MFAP3L: variants seen among roughly 807,000 people sequenced by gnomAD.
The protein encoded by MFAP3L is microfibril associated protein 3 like, also known as microfibrillar-associated protein 3-like.
MFAP3L carries 5 observed loss-of-function variants against 20.0 expected under a neutral mutation model. That is an observed-to-expected ratio of 0.25 (90% CI 0.13 to 0.53). MFAP3L has a LOEUF of 0.53. Ranked by LOEUF, MFAP3L falls within the 20% of genes least tolerant of loss-of-function variation. The probability of loss-of-function intolerance (pLI) is 0.96; values close to 1 mark genes in which losing one functional copy is unlikely to be tolerated. For synonymous variants in MFAP3L, 219 were observed against 213.0 expected (o/e 1.03, Z -0.25); for missense variants, 409 against 527.5 (o/e 0.78, Z 2.20).
At chr4:170,014,106 C>G (rs1258621523) in intron 1 of MFAP3L, among the ~76,000 whole-genome samples, 1 of 152,200 alleles carries the variant, frequency 6.6e-6, no homozygotes, top group Non-Finnish European at 1.5e-5. Context: ...TCAACCTAAG[C>G]TGGTACAGAA....
chr4:170,021,866 G>A (rs796293398), intron 1 of MFAP3L, among the ~76,000 whole-genome samples: 3 of 152,276 alleles, frequency 2.0e-5, no homozygotes, highest in African/African-American at 4.8e-5. Flanking sequence ...CAACACCAAC[G>A]TCAAATATGG....
intron 1 of MFAP3L, among the ~76,000 whole-genome samples, chr4:170,009,153 C>T (rs6822033): frequency 2.0e-5 from 3 of 151,796 alleles, no homozygotes; most frequent in Admixed American, 6.6e-5. Context: ...GGGAGGCTGA[C>T]GCAGGCGGAT....
intron 2 of MFAP3L, chr4:169,994,608 T>A (rs1461509713): frequency 1.1e-6 from 1 of 927,712 alleles, no homozygotes; most frequent in Non-Finnish European, 1.3e-6. Flanking sequence ...TTCTCTAATC[T>A]ACAACCAAGC....
At chr4:169,993,277 C>G (rs927247389) in intron 2 of MFAP3L, among the ~76,000 whole-genome samples, 15 of 152,200 alleles carry the variant, frequency 9.9e-5, no homozygotes, top group Non-Finnish European at 1.5e-4. Context: ...CCTCCCTGGA[C>G]TGTCCCATAG....
At chr4:170,004,805 C>A (rs528994717) in intron 2 of MFAP3L, among the ~76,000 whole-genome samples, 2 of 152,144 alleles carry the variant, frequency 1.3e-5, no homozygotes, top group Non-Finnish European at 2.9e-5. Flanking sequence ...TTCACTCCCC[C>A]ACCCCAACCC....
In MFAP3L at chr4:170,011,721, C is replaced by T. The variant is rs148154557; in HGVS notation, c.-133-5711G>A. Among the ~76,000 whole-genome samples, 156 of 152,216 alleles carry T rather than the reference C, an allele frequency of 1.0e-3. 1 individual carries two copies. Among genetic ancestry groups the T allele is most frequent in the African/African-American group, 3.6e-3 (150 of 41,526 alleles). ...CAGAATCCGGCAGGGGACACAGGAA[C>T]ATATATCGACAGTTACAGGACAGTG... On this transcript the variant is annotated intron_variant, in intron 1 of 2. Transcript: ENST00000361618.
chr4:170,020,890 C>G (rs75512184), intron 1 of MFAP3L, among the ~76,000 whole-genome samples: 1 of 152,022 alleles, frequency 6.6e-6, no homozygotes, highest in Non-Finnish European at 1.5e-5. Flanking sequence ...CTATAATTAT[C>G]TTTTTGCACA....
intron 1 of MFAP3L, among the ~76,000 whole-genome samples, chr4:170,008,417 T>A (rs918482442): frequency 6.6e-6 from 1 of 152,206 alleles, no homozygotes; most frequent in Non-Finnish European, 1.5e-5. Context: ...CAATTTACTC[T>A]TTCACTTCAG....
Position 170,006,026 on chromosome 4 carries a change from C to CA in MFAP3L, c.-133-17dup, listed in dbSNP as rs1560980764. ...GAGCAAGAACCTGTTTTTAAGAAAACAAAAATATATACACATAAACATTAG... is the reference window on the plus strand; with the variant it reads ...GAGCAAGAACCTGTTTTTAAGAAAACAAAAAATATATACACATAAACATTAG... On this transcript the variant is annotated splice_polypyrimidine_tract_variant and intron_variant, in intron 1 of 2. Transcript: ENST00000361618. 1.4e-6 allele frequency: 2 copies of CA among 1,419,866 alleles called. No individual in the cohort carries two copies. The highest frequency in any genetic ancestry group is 1.8e-6 in the Non-Finnish European group (2 of 1,087,964). 88.0% of individuals were successfully genotyped at this position (1,419,866 alleles called of 1,614,324 possible). A position where few individuals can be genotyped will look rare whatever the true frequency, so the allele number is the denominator to read the frequency against.
intron 2 of MFAP3L, among the ~76,000 whole-genome samples, chr4:169,998,441 G>A (rs894641918): frequency 2.6e-5 from 4 of 152,206 alleles, no homozygotes; most frequent in Admixed American, 2.0e-4. Flanking sequence ...CTGAACTGAA[G>A]AATCACAGGG....
chr4:169,991,066 G>C lies in MFAP3L; in HGVS notation c.*312C>G, dbSNP rs183463917. 7 of 377,918 alleles carry C rather than the reference G, an allele frequency of 1.9e-5. No homozygotes were observed. In the Admixed American group the frequency reaches 3.0e-4, roughly 16 times the overall value. 23.4% of individuals were successfully genotyped at this position (377,918 alleles called of 1,614,324 possible). ...GTTCTTGAACTCAGAATATCTTACA[G>C]TGGTGTACTCTTTGCCAAGAAGGCA... On this transcript the variant is annotated 3_prime_UTR_variant, in exon 3 of 3. Transcript: ENST00000361618. The surrounding 1 kb of genome is among the most constrained non-coding windows in gnomAD (Gnocchi z 4.9).
chr4:170,002,121 ACTGT>A lies in MFAP3L; in HGVS notation c.298+3455_298+3458del, dbSNP rs1738671097. The stretch of plus-strand genomic sequence containing the variant: ...CACATGTTCCGGCACAAATCCTAAC[ACTGT>A]CTGACCTTGCTATCGGTAGTGAGGA... On this transcript the variant is annotated intron_variant, in intron 2 of 2. Transcript: ENST00000361618. 4.1e-6 allele frequency: 4 copies of A among 985,062 alleles called. No homozygotes were observed. In the South Asian group the frequency reaches 1.4e-4, roughly 35 times the overall value. 61.0% of individuals were successfully genotyped at this position (985,062 alleles called of 1,614,324 possible). A position where few individuals can be genotyped will look rare whatever the true frequency, so the allele number is the denominator to read the frequency against.
intron 1 of MFAP3L, among the ~76,000 whole-genome samples, chr4:170,018,874 C>T (rs957746484): frequency 6.6e-5 from 10 of 152,090 alleles, no homozygotes; most frequent in Non-Finnish European, 1.3e-4. Flanking sequence ...CAGGCCTGGC[C>T]GGGGGTGGGG....
rs1190870656 is a variant in MFAP3L at position 169,988,559 on chromosome 4, A to G, written c.*2819T>C. The G allele has an allele frequency of 6.6e-6, 1 of 152,230 alleles. No homozygotes were observed. Among genetic ancestry groups the G allele is most frequent in the East Asian group, 1.9e-4 (1 of 5,188 alleles). The allele number at this position is 152,230 out of a possible 1,614,324, so 9.4% of individuals were successfully genotyped here. A position where few individuals can be genotyped will look rare whatever the true frequency, so the allele number is the denominator to read the frequency against. On this transcript the variant is annotated 3_prime_UTR_variant, in exon 3 of 3. Coordinates refer to ENST00000361618, the MANE Select transcript of MFAP3L (RefSeq NM_021647.8). The stretch of plus-strand genomic sequence containing the variant: ...AGTGTGTATGCACACACGTTCAGTC[A>G]CACTCGCATGAATTTCTATGAAGCT...
rs146031656 is a variant in MFAP3L at position 170,020,359 on chromosome 4, G to A, written c.-134+5875C>T. Among the ~76,000 whole-genome samples, 260 of 152,218 alleles carry A rather than the reference G, an allele frequency of 1.7e-3. 1 individual carries two copies. Among genetic ancestry groups the A allele is most frequent in the African/African-American group, 6.0e-3 (250 of 41,532 alleles). ...GATTCTCACTCCTCAATATTGGGCTGCCACATCCTGGGTTTCCCCTGGGTT... is the reference window on the plus strand; with the variant it reads ...GATTCTCACTCCTCAATATTGGGCTACCACATCCTGGGTTTCCCCTGGGTT... On this transcript the variant is annotated intron_variant, in intron 1 of 2. Coordinates refer to ENST00000361618, the MANE Select transcript of MFAP3L (RefSeq NM_021647.8).
intron 1 of MFAP3L, among the ~76,000 whole-genome samples, chr4:170,007,486 T>C (rs1452547691): frequency 2.0e-5 from 3 of 152,154 alleles, no homozygotes; most frequent in Non-Finnish European, 2.9e-5. Context: ...CTTGGGCAAG[T>C]ACAAGACAAT....
chr4:170,005,797 G>GGT lies in MFAP3L; in HGVS notation c.79_80dup (p.Ala28ProfsTer5). 6.2e-7 allele frequency: 1 copy of GGT among 1,614,164 alleles called. No individual in the cohort carries two copies. ...AAGTGCTGTTAGTCACACTCTTAGC[G>GGT]GTGGCTAGAGTGGATACTAGGATTA... On this transcript the variant is annotated frameshift_variant, in exon 2 of 3. Transcript: ENST00000361618. LOFTEE classifies it high-confidence loss of function.
In MFAP3L at chr4:169,991,376, T is replaced by C. The variant is rs778714335; in HGVS notation, c.*2A>G. Reference sequence around the variant, plus strand: ...GATATGCATAGCTTTTCGGGGTTGGTATTAGACATGGCTTTCGTAAATAAT... The same window carrying C: ...GATATGCATAGCTTTTCGGGGTTGGCATTAGACATGGCTTTCGTAAATAAT... On this transcript the variant is annotated 3_prime_UTR_variant, in exon 3 of 3. Transcript: ENST00000361618. The surrounding 1 kb of genome is among the most constrained non-coding windows in gnomAD (Gnocchi z 4.9). 1 of 1,612,754 alleles carries C rather than the reference T, an allele frequency of 6.2e-7. No homozygotes were observed. Among genetic ancestry groups the C allele is most frequent in the South Asian group, 1.1e-5 (1 of 90,934 alleles).
rs145045554 is a variant in MFAP3L, at chr4:169,995,842, A to C, written c.299-3533T>G. On this transcript the variant is annotated intron_variant, in intron 2 of 2. Coordinates refer to ENST00000361618, the MANE Select transcript of MFAP3L (RefSeq NM_021647.8). ...TGCTTCAGCACAAATAAAACCCAAA[A>C]TGTCAGTAGCAGATGCCAGGTCAGT... Among the ~76,000 whole-genome samples the C allele has an allele frequency of 2.3e-4, 35 of 152,270 alleles. No homozygotes were observed. In the East Asian group the frequency reaches 6.2e-3, roughly 27 times the overall value.
Sources: gnomAD v4.1 joint callset for allele counts (sites outside exome capture counted in the v4.1 genomes callset) on GRCh38, gnomAD v4.1.1 for gene constraint, Gnocchi (gnomAD v3.1) non-coding constraint, MANE v1.5 for transcripts, NCBI Gene and HGNC (gene_info 2026-07-23, HGNC 2026-07-21) for gene names.